Variants in KIF6 observed in about 807,000 individuals in gnomAD.
KIF6 encodes kinesin-like protein KIF6.
Under a neutral mutation model 112.7 loss-of-function variants are expected in KIF6, and 106 were observed. The ratio of observed to expected loss-of-function variants is 0.94; its 90% CI spans 0.80 to 1.11. KIF6 has a LOEUF of 1.11. KIF6 is among the 50% of genes least tolerant of loss of function. The pLI is 0.00. For synonymous variants in KIF6, 339 were observed against 339.9 expected (o/e 1.00, Z 0.03); for missense variants, 929 against 964.0 (o/e 0.96, Z 0.48).
intron 3 of KIF6, among the ~76,000 whole-genome samples, chr6:39,682,589 AT>A (rs919583777): frequency 6.6e-6 from 1 of 151,836 alleles, no homozygotes; most frequent in South Asian, 2.1e-4. Flanking sequence ...ATTTCTTTTT[AT>A]TTTTTTTGAG....
intron 22 of KIF6, among the ~76,000 whole-genome samples, chr6:39,340,536 G>T (rs1423508429): frequency 6.6e-6 from 1 of 152,178 alleles, no homozygotes; most frequent in East Asian, 1.9e-4. Flanking sequence ...ACCTCTGTGT[G>T]CCTCAGTTTC....
intron 15 of KIF6, among the ~76,000 whole-genome samples, chr6:39,386,568 G>A (rs954792385): frequency 2.6e-5 from 4 of 152,028 alleles, no homozygotes; most frequent in African/African-American, 9.7e-5. Flanking sequence ...AACTCACAAT[G>A]AGGACTGTCT....
chr6:39,561,877 T>C (rs1358782700), intron 10 of KIF6, among the ~76,000 whole-genome samples: 1 of 152,204 alleles, frequency 6.6e-6, no homozygotes, highest in African/African-American at 2.4e-5. Context: ...TTACCAGCCA[T>C]CTGAGCTTCT....
At chr6:39,609,714 T>G (rs562657892) in intron 6 of KIF6, among the ~76,000 whole-genome samples, 10 of 152,322 alleles carry the variant, frequency 6.6e-5, no homozygotes, top group East Asian at 5.8e-4. Context: ...TTTCAAATGT[T>G]GTGGTGTTGA....
chr6:39,673,954 T>C (rs528390841), intron 3 of KIF6, among the ~76,000 whole-genome samples: 36 of 152,198 alleles, frequency 2.4e-4, no homozygotes, highest in African/African-American at 8.7e-4. Flanking sequence ...GGAAAGTCAA[T>C]ATAAGGAACC....
At chr6:39,533,762 G>T (rs945071145) in intron 13 of KIF6, among the ~76,000 whole-genome samples, 1 of 152,214 alleles carries the variant, frequency 6.6e-6, no homozygotes, top group Non-Finnish European at 1.5e-5. Context: ...GCCTCCTCAA[G>T]TGGGTCCCTG....
chr6:39,485,682 G>A (rs184758741), intron 13 of KIF6, among the ~76,000 whole-genome samples: 7 of 152,286 alleles, frequency 4.6e-5, no homozygotes, highest in Admixed American at 2.0e-4. Flanking sequence ...TGTCACGAAA[G>A]GAGCATGTTG....
chr6:39,519,386 T>C (rs1417404286), intron 13 of KIF6, among the ~76,000 whole-genome samples: 3 of 152,136 alleles, frequency 2.0e-5, no homozygotes, highest in African/African-American at 7.2e-5. Context: ...ACAATAAATA[T>C]GAAGAATAAA....
chr6:39,360,434 C>A lies in KIF6; in HGVS notation c.2043G>T (p.Glu681Asp). 6.2e-7 allele frequency: 1 copy of A among 1,614,234 alleles called. No individual in the cohort carries two copies. Among genetic ancestry groups the A allele is most frequent in the Non-Finnish European group, 8.5e-7 (1 of 1,180,044 alleles). ...CCTCCTCTGCCCACCAGACTTCAAA[C>A]TCTTTCTGTAGCTTCACCTTGGCTT... is the stretch of plus-strand genomic sequence containing the variant. Reference protein sequence around the residue: ...MDKAKVKLQKEFEVWWAEEAT... With the variant: ...MDKAKVKLQKDFEVWWAEEAT... The change falls in exon 18 of 23, where the codon GAG becomes GAT. Residue 681 changes from glutamate (E) to aspartate (D), a missense_variant. Physicochemically the swap from Glu to Asp is conservative, Grantham distance 45 (BLOSUM62 2). This residue lies in a region of KIF6 where 241 missense variants were observed against 301.4 expected (regional missense o/e 0.80). Transcript: ENST00000287152.
Position 39,343,904 on chromosome 6 carries a change from T to A in KIF6, c.2322-89A>T. 1.4e-6 allele frequency: 1 copy of A among 715,412 alleles called. No individual in the cohort carries two copies. The highest frequency in any genetic ancestry group is 2.3e-6 in the Non-Finnish European group (1 of 431,612). The allele number at this position is 715,412 out of a possible 1,614,324, so 44.3% of individuals were successfully genotyped here. A position where few individuals can be genotyped will look rare whatever the true frequency, so the allele number is the denominator to read the frequency against. On this transcript the variant is annotated intron_variant, in intron 21 of 22. Transcript: ENST00000287152. The surrounding 1 kb of genome is among the most constrained non-coding windows in gnomAD (Gnocchi z 4.1). ...AAAATGCTTTTCCATTTTAGGTGAC[T>A]GATCTCACTCAGAAAGCTACATGAC... is the stretch of plus-strand genomic sequence containing the variant.
At chr6:39,639,804 C>A (rs746754366) in intron 3 of KIF6, 47 bp from the exon 4 acceptor site, 3 of 1,540,712 alleles carry the variant, frequency 1.9e-6, no homozygotes, top group East Asian at 2.3e-5. Flanking sequence ...TGGCTAACTG[C>A]ATATGAATTA....
chr6:39,377,279 C>T (rs1017143414), intron 16 of KIF6, among the ~76,000 whole-genome samples: 2 of 152,094 alleles, frequency 1.3e-5, no homozygotes, highest in African/African-American at 4.8e-5. Context: ...CAACTGCTGG[C>T]CTCAAGCGAT....
intron 5 of KIF6, among the ~76,000 whole-genome samples, chr6:39,614,475 AT>A (rs1376437126): frequency 5.9e-5 from 9 of 152,134 alleles, no homozygotes; most frequent in African/African-American, 2.2e-4. Context: ...AAGTATCATA[AT>A]TTTTTTCATC....
At chr6:39,437,974 TTTAA>T (rs1458973599) in intron 13 of KIF6, among the ~76,000 whole-genome samples, 1 of 146,684 alleles carries the variant, frequency 6.8e-6, no homozygotes, top group Non-Finnish European at 1.5e-5. Context: ...TATTTATTTA[TTTAA>T]TTATTTATTT....
At chr6:39,659,911 T>C (rs1269934844) in intron 3 of KIF6, among the ~76,000 whole-genome samples, 1 of 152,228 alleles carries the variant, frequency 6.6e-6, no homozygotes, top group Non-Finnish European at 1.5e-5. Context: ...ATGATTTACT[T>C]AGCCTCAAAG....
intron 5 of KIF6, among the ~76,000 whole-genome samples, chr6:39,616,570 C>G (rs1783533818): frequency 6.6e-6 from 1 of 152,204 alleles, no homozygotes; most frequent in Admixed American, 6.5e-5. Context: ...TCTTCCCTCA[C>G]CAATCAGGGT....
At chr6:39,725,080 G>T (rs933203301) in intron 1 of KIF6, among the ~76,000 whole-genome samples, 165 bp downstream of exon 1, 5 of 152,194 alleles carry the variant, frequency 3.3e-5, no homozygotes, top group Admixed American at 1.3e-4. Context: ...GTGCGCGGGG[G>T]TCTTCGCGGC....
chr6:39,582,258 C>G (rs986138281), intron 9 of KIF6, among the ~76,000 whole-genome samples: 2 of 152,142 alleles, frequency 1.3e-5, no homozygotes, highest in African/African-American at 2.4e-5. Flanking sequence ...AGTTATGCCT[C>G]CCATCCAATT....
intron 14 of KIF6, among the ~76,000 whole-genome samples, chr6:39,429,236 G>T (rs903608014): frequency 2.6e-5 from 4 of 152,058 alleles, no homozygotes; most frequent in Non-Finnish European, 4.4e-5. Context: ...CTTCTTCCGG[G>T]TCTACCTTCT....
Sources: gnomAD v4.1 joint callset for allele counts (sites outside exome capture counted in the v4.1 genomes callset) on GRCh38, gnomAD v4.1.1 for gene constraint, gnomAD v4.1.1 regional missense constraint, Gnocchi (gnomAD v3.1) non-coding constraint, MANE v1.5 for transcripts, NCBI Gene and HGNC (gene_info 2026-07-23, HGNC 2026-07-21) for gene names.